ANKFN1: variants seen among roughly 807,000 people sequenced by gnomAD.
The protein encoded by ANKFN1 is ankyrin repeat and fibronectin type III domain containing 1, also known as ankyrin repeat and fibronectin type-III domain-containing protein 1.
ANKFN1 carries 74 observed loss-of-function variants against 108.7 expected under a neutral mutation model. That is an observed-to-expected ratio of 0.68 (90% CI 0.56 to 0.83). The LOEUF (loss-of-function observed/expected upper bound fraction) is 0.83, where lower values mean the gene tolerates loss of function less well. Among genes scored for constraint, ANKFN1 ranks in the 40% least tolerant of loss-of-function variants. The pLI, the probability that ANKFN1 is intolerant of heterozygous loss-of-function variation, is 0.00. For missense variants in ANKFN1, 1,505 were observed against 1,382.3 expected (o/e 1.09, Z -1.41); for synonymous variants, 547 against 516.2 (o/e 1.06, Z -0.81).
intron 4 of ANKFN1, among the ~76,000 whole-genome samples, chr17:56,127,365 C>T (rs1229163189): frequency 6.6e-6 from 1 of 152,238 alleles, no homozygotes; most frequent in East Asian, 1.9e-4. Context: ...CCTGACTGGA[C>T]TGCAGTGGCA....
intron 3 of ANKFN1, among the ~76,000 whole-genome samples, chr17:56,266,797 A>T (rs549185517): frequency 6.6e-6 from 1 of 152,354 alleles, no homozygotes; most frequent in East Asian, 1.9e-4. Context: ...TCACTAAAAA[A>T]ACAAAAATTA....
At chr17:56,473,029 A>G (rs1007625175) in intron 15 of ANKFN1, 1 of 152,204 alleles carries the variant, frequency 6.6e-6, no homozygotes, top group African/African-American at 2.4e-5. Flanking sequence ...TATGGCCTCT[A>G]TGATGTTGGG....
intron 1 of ANKFN1, among the ~76,000 whole-genome samples, chr17:56,167,760 A>G (rs921717795): frequency 6.6e-6 from 1 of 152,260 alleles, no homozygotes; most frequent in African/African-American, 2.4e-5. Flanking sequence ...ACCACCTTAC[A>G]ACTATGTCAT....
intron 3 of ANKFN1, among the ~76,000 whole-genome samples, chr17:56,280,262 A>G (rs2044042902): frequency 6.6e-6 from 1 of 152,284 alleles, no homozygotes; most frequent in South Asian, 2.1e-4. Context: ...CAATTGAATC[A>G]GTAGACTGAG....
At chr17:56,344,711 C>T (rs773929000) in intron 4 of ANKFN1, among the ~76,000 whole-genome samples, 1 of 151,862 alleles carries the variant, frequency 6.6e-6, no homozygotes, top group Non-Finnish European at 1.5e-5. Context: ...TTCATGAGCT[C>T]TAAGTCAGAG....
intron 8 of ANKFN1, among the ~76,000 whole-genome samples, chr17:56,383,724 A>T (rs1489592821): frequency 1.3e-5 from 2 of 152,220 alleles, no homozygotes; most frequent in Non-Finnish European, 2.9e-5. Context: ...AAACTAGAAA[A>T]TCCAGAAGAA....
chr17:56,335,629 G>A (rs2144590596), intron 4 of ANKFN1, among the ~76,000 whole-genome samples: 1 of 152,266 alleles, frequency 6.6e-6, no homozygotes, highest in African/African-American at 2.4e-5. Context: ...AGATGATGGG[G>A]TTTTCTAAAT....
chr17:56,160,244 T>C (rs1255587577), intron 1 of ANKFN1, among the ~76,000 whole-genome samples: 3 of 152,184 alleles, frequency 2.0e-5, no homozygotes, highest in Non-Finnish European at 2.9e-5. Context: ...ATGGTAAACT[T>C]TCAGAATGAA....
chr17:56,445,829 G>A (rs555725615), intron 10 of ANKFN1, among the ~76,000 whole-genome samples: 1 of 152,128 alleles, frequency 6.6e-6, no homozygotes, highest in African/African-American at 2.4e-5. Context: ...TCTGAGTTAC[G>A]ATCAGGAAAA....
intron 4 of ANKFN1, among the ~76,000 whole-genome samples, chr17:56,335,267 T>C (rs953680313): frequency 8.5e-5 from 13 of 152,138 alleles, no homozygotes; most frequent in African/African-American, 3.1e-4. Context: ...AAGTCATTGG[T>C]AGCTTGGTGG....
chr17:56,222,246 G>T (rs1304192036), intron 2 of ANKFN1, among the ~76,000 whole-genome samples: 1 of 152,172 alleles, frequency 6.6e-6, no homozygotes, highest in Non-Finnish European at 1.5e-5. Context: ...ACCCTCAGTT[G>T]AGGGGTTCTA....
chr17:56,327,155 C>A (rs938208903), intron 4 of ANKFN1, among the ~76,000 whole-genome samples: 1 of 152,146 alleles, frequency 6.6e-6, no homozygotes, highest in Non-Finnish European at 1.5e-5. Flanking sequence ...CTCCAAAAAT[C>A]CCCATACTCA....
rs1423804503 is a variant in ANKFN1, at chr17:56,409,635, CTT to C, written c.911-30690_911-30689del. On this transcript the variant is annotated intron_variant, in intron 8 of 20. Transcript: ENST00000682825. ...GCCTCACAGAAGTTAATCAGCATCTCTTTAACTGAGACTCAAATGGACTTCAT... is the reference window on the plus strand; with the variant it reads ...GCCTCACAGAAGTTAATCAGCATCTCTAACTGAGACTCAAATGGACTTCAT... Among the ~76,000 whole-genome samples, 3 of 152,198 alleles carry C rather than the reference CTT, an allele frequency of 2.0e-5. No individual in the cohort carries two copies. In the South Asian group the frequency reaches 6.2e-4, roughly 32 times the overall value.
chr17:56,176,270 G>A (rs989747436), intron 1 of ANKFN1, among the ~76,000 whole-genome samples: 1 of 152,114 alleles, frequency 6.6e-6, no homozygotes, highest in Non-Finnish European at 1.5e-5. Flanking sequence ...GCCAGGTTCT[G>A]CTAGCCAGCT....
chr17:56,473,209 A>G (rs8070032), intron 15 of ANKFN1: 120,148 of 152,136 alleles, frequency 0.79, 47,870 homozygotes, highest in East Asian at 0.97. Flanking sequence ...ACAACAATCA[A>G]AACAGTGAGA....
At chr17:56,207,063 C>T (rs1296738829) in intron 1 of ANKFN1, 1 of 152,202 alleles carries the variant, frequency 6.6e-6, no homozygotes, top group Non-Finnish European at 1.5e-5. Flanking sequence ...ATGGTTGTGC[C>T]TTCCCCAGAG....
intron 19 of ANKFN1, among the ~76,000 whole-genome samples, chr17:56,497,882 C>T (rs1488982682): frequency 3.9e-5 from 6 of 152,008 alleles, no homozygotes; most frequent in African/African-American, 1.4e-4. Flanking sequence ...CTACAAATTC[C>T]AGGGTCATAA....
At chr17:56,391,103 A>G (rs1022104416) in intron 8 of ANKFN1, among the ~76,000 whole-genome samples, 3 of 151,114 alleles carry the variant, frequency 2.0e-5, no homozygotes, top group African/African-American at 7.3e-5. Context: ...TGGACACTTC[A>G]GAAGATTTAG....
In ANKFN1 at chr17:56,513,106, G is replaced by A. The variant is rs968189152; in HGVS notation, c.*1837G>A. Among the ~76,000 whole-genome samples the A allele has an allele frequency of 6.6e-6, 1 of 152,232 alleles. No homozygotes were observed. Among genetic ancestry groups the A allele is most frequent in the African/African-American group, 2.4e-5 (1 of 41,458 alleles). ...CAGAGAGGTTAAGTAACATGCTCAAGGTCACGGAGCTGGTTTAGTCTCAGA... is the reference window on the plus strand; with the variant it reads ...CAGAGAGGTTAAGTAACATGCTCAAAGTCACGGAGCTGGTTTAGTCTCAGA... On this transcript the variant is annotated 3_prime_UTR_variant, in exon 21 of 21. Transcript: ENST00000682825.
Sources: allele counts gnomAD v4.1 joint callset (sites outside exome capture counted in the v4.1 genomes callset), GRCh38; gene constraint gnomAD v4.1.1; transcripts MANE v1.5; gene names NCBI Gene and HGNC (gene_info 2026-07-23, HGNC 2026-07-21).